Variants in CSMD1 observed in about 807,000 individuals in gnomAD.
CSMD1 encodes the protein CUB and sushi domain-containing protein 1.
In CSMD1, 213 loss-of-function variants were observed where a neutral mutation model predicts 417.5. The ratio of observed to expected loss-of-function variants is 0.51; its 90% CI spans 0.46 to 0.57. CSMD1 has a LOEUF of 0.57. CSMD1 is among the 20% of genes least tolerant of loss of function. CSMD1 has a pLI of 0.00. For synonymous variants in CSMD1, 2,862 were observed against 1,736.8 expected, an observed-to-expected ratio of 1.65 and a Z score of -16.11; for missense variants, 6,923 against 4,529.7, an observed-to-expected ratio of 1.53 and a Z score of -15.17.
intron 49 of CSMD1, among the ~76,000 whole-genome samples, 187 bp downstream of exon 49, chr8:3,086,909 AG>A (rs1814570244): frequency 6.6e-6 from 1 of 152,224 alleles, no homozygotes; most frequent in African/African-American, 2.4e-5. Context: ...CTCCAAATTC[AG>A]GCTATACAAC....
In CSMD1 at chr8:3,637,476, T is replaced by G. The variant is rs147608588; in HGVS notation, c.1010-20679A>C. ...TAAGGTAATATGACCTACCATAGCT[T>G]CAGAATTGTTCTTCTTTGACTATAA... On this transcript the variant is annotated intron_variant, in intron 7 of 69. Transcript: ENST00000635120. Among the ~76,000 whole-genome samples the G allele has an allele frequency of 1.1e-4, 16 of 152,342 alleles. No homozygotes were observed. In the East Asian group the frequency reaches 3.1e-3, roughly 29 times the overall value.
At chr8:4,268,638 C>G (rs969340321) in intron 3 of CSMD1, among the ~76,000 whole-genome samples, 3 of 151,960 alleles carry the variant, frequency 2.0e-5, no homozygotes, top group African/African-American at 7.3e-5. Flanking sequence ...TCACAGAAAA[C>G]CTAAAAATCT....
chr8:3,909,237 TGGA>T (rs1403272905), intron 5 of CSMD1, among the ~76,000 whole-genome samples: 2 of 152,126 alleles, frequency 1.3e-5, no homozygotes, highest in African/African-American at 2.4e-5. Flanking sequence ...CGTCCTGGCT[TGGA>T]GGAGATGTAG....
intron 19 of CSMD1, among the ~76,000 whole-genome samples, chr8:3,368,653 A>T (rs949558005): frequency 5.3e-5 from 8 of 152,298 alleles, no homozygotes; most frequent in Non-Finnish European, 1.2e-4. Flanking sequence ...ATAGACTCTT[A>T]AAGATGACAC....
chr8:4,793,122 T>C (rs553572706), intron 1 of CSMD1, among the ~76,000 whole-genome samples: 166 of 152,246 alleles, frequency 1.1e-3, no homozygotes, highest in African/African-American at 3.2e-3. Flanking sequence ...CTTAGAAATA[T>C]AGCATAACAG....
At chr8:4,246,540 AGATG>A (rs1802720181) in intron 3 of CSMD1, among the ~76,000 whole-genome samples, 1 of 152,172 alleles carries the variant, frequency 6.6e-6, no homozygotes, top group Non-Finnish European at 1.5e-5. Context: ...TTTTTACTTA[AGATG>A]TTTCATGAGG....
chr8:4,886,763 T>C (rs977207610), intron 1 of CSMD1, among the ~76,000 whole-genome samples: 1 of 152,148 alleles, frequency 6.6e-6, no homozygotes, highest in East Asian at 1.9e-4. Context: ...AAAAATTTAT[T>C]TTACCAGATT....
At chr8:4,735,932 C>G (rs74697552) in intron 1 of CSMD1, among the ~76,000 whole-genome samples, 2,474 of 152,182 alleles carry the variant, frequency 0.016, 81 homozygotes, top group African/African-American at 0.056. Flanking sequence ...AAGTAGCCAC[C>G]GGTTGCAACA....
intron 5 of CSMD1, among the ~76,000 whole-genome samples, chr8:3,871,024 A>G (rs576079147): frequency 8.9e-4 from 136 of 152,184 alleles, no homozygotes; most frequent in African/African-American, 3.2e-3. Context: ...AAAAAAATTC[A>G]ATACATATAA....
chr8:4,190,207 T>C (rs1714784), intron 3 of CSMD1, among the ~76,000 whole-genome samples: 145,723 of 147,058 alleles, frequency 0.99, 72,208 homozygotes, highest in Middle Eastern at 1. Context: ...TGCAGTGAGC[T>C]GAGATCGAGT....
chr8:4,409,483 G>T (rs745650198), intron 3 of CSMD1, among the ~76,000 whole-genome samples: 1 of 152,078 alleles, frequency 6.6e-6, no homozygotes, highest in African/African-American at 2.4e-5. Flanking sequence ...TACCTAAGTT[G>T]ATATTTGAGA....
intron 1 of CSMD1, among the ~76,000 whole-genome samples, chr8:4,722,197 GATTAAATAT>G (rs1411152374): frequency 6.6e-6 from 1 of 151,980 alleles, no homozygotes; most frequent in Non-Finnish European, 1.5e-5. Flanking sequence ...TATGGGAGGT[GATTAAATAT>G]ATTAAATATA....
intron 3 of CSMD1, among the ~76,000 whole-genome samples, chr8:4,196,639 C>A (rs931212124): frequency 2.0e-5 from 3 of 152,138 alleles, no homozygotes; most frequent in Non-Finnish European, 2.9e-5. Flanking sequence ...TGGGTCCAGT[C>A]CTCATTGAAT....
intron 3 of CSMD1, among the ~76,000 whole-genome samples, chr8:4,105,658 C>T (rs1443225154): frequency 6.6e-6 from 1 of 152,316 alleles, no homozygotes; most frequent in East Asian, 1.9e-4. Flanking sequence ...AACGTGGTTT[C>T]TGACCCCATT....
At chr8:3,825,009 G>T (rs993787201) in intron 5 of CSMD1, among the ~76,000 whole-genome samples, 1 of 152,162 alleles carries the variant, frequency 6.6e-6, no homozygotes, top group Non-Finnish European at 1.5e-5. Flanking sequence ...AATATGAAAT[G>T]TGGCAGGAAA....
At chr8:3,684,126 T>C (rs1451855332) in intron 7 of CSMD1, among the ~76,000 whole-genome samples, 2 of 115,446 alleles carry the variant, frequency 1.7e-5, no homozygotes, top group East Asian at 4.6e-4. Context: ...ATATATAATT[T>C]ATATAATATA....
intron 5 of CSMD1, among the ~76,000 whole-genome samples, chr8:3,782,686 G>A (rs886714684): frequency 1.3e-5 from 2 of 152,162 alleles, no homozygotes; most frequent in Admixed American, 6.5e-5. Context: ...CAATGTTTGA[G>A]AACAAGCTAA....
At chr8:3,602,457 C>T (rs1297798983) in intron 8 of CSMD1, among the ~76,000 whole-genome samples, 2 of 152,068 alleles carry the variant, frequency 1.3e-5, no homozygotes, top group Admixed American at 6.5e-5. Flanking sequence ...AAAATCAATG[C>T]ACTGGTTGGT....
At chr8:4,038,926 C>G (rs960906961) in intron 3 of CSMD1, among the ~76,000 whole-genome samples, 2 of 152,144 alleles carry the variant, frequency 1.3e-5, no homozygotes, top group African/African-American at 2.4e-5. Context: ...CTTAATTTGG[C>G]AAGTACATAT....
Sources: gnomAD v4.1 joint callset for allele counts (sites outside exome capture counted in the v4.1 genomes callset) on GRCh38, gnomAD v4.1.1 for gene constraint, MANE v1.5 for transcripts, NCBI Gene and HGNC (gene_info 2026-07-23, HGNC 2026-07-21) for gene names.